Variants in PKNOX2 observed in about 807,000 individuals in gnomAD.
PKNOX2 encodes PBX/knotted 1 homeobox 2, also known as homeobox protein PKNOX2.
A neutral mutation model predicts 53.1 loss-of-function variants in PKNOX2; 14 were observed. That is an observed-to-expected ratio of 0.26 (90% CI 0.17 to 0.41). The LOEUF (loss-of-function observed/expected upper bound fraction) is 0.41, where lower values mean the gene tolerates loss of function less well. PKNOX2 is among the 10% of genes least tolerant of loss of function. The probability of loss-of-function intolerance (pLI) is 1.00; values close to 1 mark genes in which losing one functional copy is unlikely to be tolerated. For synonymous variants in PKNOX2, 257 were observed against 242.8 expected (o/e 1.06, Z -0.54); for missense variants, 496 against 602.8 (o/e 0.82, Z 1.85).
chr11:125,357,752 A>G (rs910465390), intron 4 of PKNOX2, among the ~76,000 whole-genome samples: 2 of 152,176 alleles, frequency 1.3e-5, no homozygotes, highest in African/African-American at 4.8e-5. Context: ...TGGTCTGAAG[A>G]GGAGGATGGA....
chr11:125,198,740 T>G (rs1938056259), intron 1 of PKNOX2, among the ~76,000 whole-genome samples: 1 of 101,964 alleles, frequency 9.8e-6, no homozygotes. Flanking sequence ...CACCTGCTTC[T>G]CCTCTGATTT....
intron 2 of PKNOX2, among the ~76,000 whole-genome samples, chr11:125,254,707 G>A (rs982411946): frequency 6.6e-6 from 1 of 152,144 alleles, no homozygotes; most frequent in Non-Finnish European, 1.5e-5. Context: ...TGAGTAACAT[G>A]GCATCCCCTG....
At position 125,414,641 on chromosome 11, in the gene PKNOX2, A is replaced by G. The variant is rs369546578; in HGVS notation, c.936+2776A>G. Reference sequence around the variant, plus strand: ...AGGAAAGAGGCTATAAAGGCTCTTCATAACTAGGCACGGTAGAAAGAAGAC... The same window carrying G: ...AGGAAAGAGGCTATAAAGGCTCTTCGTAACTAGGCACGGTAGAAAGAAGAC... On this transcript the variant is annotated intron_variant, in intron 10 of 12. Coordinates refer to ENST00000298282, the MANE Select transcript of PKNOX2 (RefSeq NM_001382323.2). Among the ~76,000 whole-genome samples the G allele has an allele frequency of 3.9e-4, 59 of 152,298 alleles. No homozygotes were observed. In the South Asian group the frequency reaches 6.6e-3, roughly 17 times the overall value.
intron 1 of PKNOX2, among the ~76,000 whole-genome samples, chr11:125,187,816 T>G (rs555097664): frequency 6.6e-6 from 1 of 152,248 alleles, no homozygotes; most frequent in Non-Finnish European, 1.5e-5. Flanking sequence ...CTTTTGATAA[T>G]GGGTCACTCC....
At chr11:125,333,652 A>G (rs1237375986) in intron 3 of PKNOX2, among the ~76,000 whole-genome samples, 5 of 152,008 alleles carry the variant, frequency 3.3e-5, no homozygotes, top group African/African-American at 1.2e-4. Context: ...AGTTGACACT[A>G]TTGCTTGGAT....
chr11:125,234,675 A>G (rs562396890), intron 1 of PKNOX2, among the ~76,000 whole-genome samples: 1 of 152,246 alleles, frequency 6.6e-6, no homozygotes, highest in African/African-American at 2.4e-5. Context: ...GGGTCTTCCA[A>G]TAGGTAGGAG....
At chr11:125,205,579 G>A (rs767379143) in intron 1 of PKNOX2, among the ~76,000 whole-genome samples, 3 of 152,120 alleles carry the variant, frequency 2.0e-5, no homozygotes, top group African/African-American at 4.8e-5. Context: ...GTGGAGCTAG[G>A]ATAAGCAGAG....
intron 5 of PKNOX2, among the ~76,000 whole-genome samples, chr11:125,369,518 G>A (rs59944728): frequency 0.03 from 4,500 of 152,298 alleles, 241 homozygotes; most frequent in African/African-American, 0.1. Flanking sequence ...GGGTCAATGT[G>A]TAGTCTCTTC....
chr11:125,377,036 G>A (rs1157027923), intron 5 of PKNOX2, among the ~76,000 whole-genome samples: 1 of 152,144 alleles, frequency 6.6e-6, no homozygotes, highest in East Asian at 1.9e-4. Context: ...AGTGGAGATG[G>A]GAATATAAAT....
At chr11:125,239,138 A>G (rs1350628293) in intron 2 of PKNOX2, among the ~76,000 whole-genome samples, 1 of 152,240 alleles carries the variant, frequency 6.6e-6, no homozygotes, top group Non-Finnish European at 1.5e-5. Context: ...ATTGCTTCTG[A>G]CAGAGACGGT....
At chr11:125,254,037 G>T (rs1223432630) in intron 2 of PKNOX2, among the ~76,000 whole-genome samples, 1 of 152,140 alleles carries the variant, frequency 6.6e-6, no homozygotes, top group Non-Finnish European at 1.5e-5. Context: ...GTAACACCAG[G>T]CTTCCTCCAG....
chr11:125,252,345 T>G (rs1170692986), intron 2 of PKNOX2, among the ~76,000 whole-genome samples: 3 of 150,454 alleles, frequency 2.0e-5, no homozygotes, highest in Non-Finnish European at 3.0e-5. Flanking sequence ...CGTGGAAGAG[T>G]TTTAAGCAGG....
rs1280246133 is a variant in PKNOX2, at chr11:125,178,672, AAGAAAG to A, written c.-201+13900_-201+13905del. On this transcript the variant is annotated intron_variant, in intron 1 of 12. Transcript: ENST00000298282. ...AAGGAAGGAAGGAAGGAAGGAAGGA[AAGAAAG>A]AGAGAGAGAGAGAGAGAGAGAAAGA... Among the ~76,000 whole-genome samples the A allele has an allele frequency of 6.5e-4, 75 of 114,976 alleles. 1 individual carries two copies. Among genetic ancestry groups the A allele is most frequent in the South Asian group, 1.6e-3 (6 of 3,666 alleles). The allele number at this position is 114,976 out of a possible 152,430, so 75.4% of individuals were successfully genotyped here.
chr11:125,347,201 C>T (rs1011464343), intron 3 of PKNOX2, among the ~76,000 whole-genome samples: 4 of 151,948 alleles, frequency 2.6e-5, no homozygotes, highest in Non-Finnish European at 5.9e-5. Flanking sequence ...AGGGGCCAAG[C>T]GAGCTGGCCC....
intron 2 of PKNOX2, among the ~76,000 whole-genome samples, chr11:125,292,111 T>A (rs2135913725): frequency 6.6e-6 from 1 of 152,346 alleles, no homozygotes; most frequent in East Asian, 1.9e-4. Context: ...TAGGTTAGCT[T>A]GTGCAGAAGA....
At chr11:125,375,257 G>A (rs1311781482) in intron 5 of PKNOX2, among the ~76,000 whole-genome samples, 2 of 152,150 alleles carry the variant, frequency 1.3e-5, no homozygotes, top group East Asian at 3.9e-4. Context: ...ACACACACAA[G>A]TATTATTACA....
At chr11:125,197,230 C>T (rs927630664) in intron 1 of PKNOX2, among the ~76,000 whole-genome samples, 2 of 152,152 alleles carry the variant, frequency 1.3e-5, no homozygotes, top group Admixed American at 1.3e-4. Context: ...TAATTCATTG[C>T]ATCTGAGATG....
intron 7 of PKNOX2, 120 bp downstream of exon 7, chr11:125,398,182 C>T: frequency 1.0e-6 from 1 of 967,378 alleles, no homozygotes. Flanking sequence ...GGTTCCTTTG[C>T]CATGAGGGCC....
intron 2 of PKNOX2, among the ~76,000 whole-genome samples, chr11:125,327,638 G>A (rs1329891558): frequency 6.6e-6 from 1 of 152,192 alleles, no homozygotes; most frequent in Non-Finnish European, 1.5e-5. Flanking sequence ...TGGAGACTGG[G>A]AGGATGGCCG....
Sources: gnomAD v4.1 joint callset for allele counts (sites outside exome capture counted in the v4.1 genomes callset) on GRCh38, gnomAD v4.1.1 for gene constraint, MANE v1.5 for transcripts, NCBI Gene and HGNC (gene_info 2026-07-23, HGNC 2026-07-21) for gene names.